The following CDH13 variants were observed in gnomAD, a reference collection of about 807,000 sequenced individuals.
The protein encoded by CDH13 is cadherin-13.
Under a neutral mutation model 63.8 loss-of-function variants are expected in CDH13, and 24 were observed. That is an observed-to-expected ratio of 0.38 (90% confidence interval 0.27 to 0.53). CDH13 has a LOEUF of 0.53. CDH13 is among the 20% of genes least tolerant of loss of function. The pLI is 0.85. For synonymous variants in CDH13, 503 were observed against 355.3 expected (o/e 1.42, Z -4.67); for missense variants, 1,049 against 903.1 (o/e 1.16, Z -2.07).
chr16:82,806,257 C>T (rs1419499928), intron 1 of CDH13, among the ~76,000 whole-genome samples: 5 of 152,142 alleles, frequency 3.3e-5, no homozygotes, highest in African/African-American at 1.2e-4. Context: ...ATCAACATGT[C>T]CCTTTTTACA....
At chr16:82,713,639 T>G (rs1291288447) in intron 1 of CDH13, among the ~76,000 whole-genome samples, 2 of 152,046 alleles carry the variant, frequency 1.3e-5, no homozygotes, top group African/African-American at 2.4e-5. Flanking sequence ...TATTGTCTTA[T>G]TTGCTCTAAG....
At chr16:83,176,823 G>A (rs117792655) in intron 4 of CDH13, among the ~76,000 whole-genome samples, 1 of 152,128 alleles carries the variant, frequency 6.6e-6, no homozygotes, top group Non-Finnish European at 1.5e-5. Context: ...CTGAGTGCCG[G>A]ATTGTAGCTC....
At chr16:83,025,995 C>G (rs191800294) in intron 2 of CDH13, among the ~76,000 whole-genome samples, 1 of 152,284 alleles carries the variant, frequency 6.6e-6, no homozygotes, top group African/African-American at 2.4e-5. Context: ...TTCAGCATTT[C>G]TTAGATGGCC....
At chr16:82,891,122 C>T (rs548039266) in intron 2 of CDH13, among the ~76,000 whole-genome samples, 1 of 151,730 alleles carries the variant, frequency 6.6e-6, no homozygotes, top group Non-Finnish European at 1.5e-5. Flanking sequence ...TGTCATACTG[C>T]CCCAGCCTCT....
chr16:83,273,080 C>A (rs1037745518), intron 5 of CDH13, among the ~76,000 whole-genome samples: 5 of 152,104 alleles, frequency 3.3e-5, no homozygotes, highest in Non-Finnish European at 7.4e-5. Context: ...GGGGGAAGCA[C>A]CACAAAGCTG....
chr16:83,358,835 A>G (rs1052040007), intron 6 of CDH13, among the ~76,000 whole-genome samples: 1 of 152,120 alleles, frequency 6.6e-6, no homozygotes, highest in African/African-American at 2.4e-5. Context: ...GACATTAGAC[A>G]TTTTTATTAG....
At chr16:83,165,888 T>C (rs2037642811) in intron 4 of CDH13, among the ~76,000 whole-genome samples, 1 of 152,114 alleles carries the variant, frequency 6.6e-6, no homozygotes, top group African/African-American at 2.4e-5. Context: ...ACAATCGCTC[T>C]GTAGGACCCA....
intron 3 of CDH13, among the ~76,000 whole-genome samples, chr16:83,083,148 C>A (rs1304359987): frequency 2.0e-5 from 3 of 152,206 alleles, no homozygotes; most frequent in Non-Finnish European, 2.9e-5. Flanking sequence ...TTCAGACTCT[C>A]CCATAACAAA....
At chr16:83,648,392 C>A (rs753003936) in intron 8 of CDH13, among the ~76,000 whole-genome samples, 2 of 152,120 alleles carry the variant, frequency 1.3e-5, no homozygotes, top group Non-Finnish European at 2.9e-5. Flanking sequence ...GAAACTGTAG[C>A]AAGAAGGTAA....
At chr16:83,232,227 T>TTTTTTTA (rs3049884) in intron 5 of CDH13, among the ~76,000 whole-genome samples, 3 of 67,626 alleles carry the variant, frequency 4.4e-5, no homozygotes, top group East Asian at 5.7e-4. Flanking sequence ...TTTTTTTTTT[T>TTTTTTTA]AAAAAAAAAA....
intron 2 of CDH13, among the ~76,000 whole-genome samples, chr16:83,009,653 T>TA (rs1184676119): frequency 1.1e-4 from 16 of 152,342 alleles, no homozygotes; most frequent in African/African-American, 3.8e-4. Flanking sequence ...CTGTTCTTTT[T>TA]AAAAAATTGT....
At chr16:83,775,608 C>G (rs1915054762) in intron 11 of CDH13, among the ~76,000 whole-genome samples, 1 of 152,046 alleles carries the variant, frequency 6.6e-6, no homozygotes, top group Non-Finnish European at 1.5e-5. Context: ...CTCAAATTGA[C>G]CTGTTTTCCC....
chr16:83,443,738 ATATATAT>A (rs1567676261), intron 6 of CDH13, among the ~76,000 whole-genome samples: 17 of 14,298 alleles, frequency 1.2e-3, no homozygotes, highest in African/African-American at 2.2e-3. Flanking sequence ...AAAAAAAAAT[ATATATAT>A]ATATATATAT....
chr16:83,689,697 A>G (rs1904652970), intron 10 of CDH13, among the ~76,000 whole-genome samples: 1 of 152,192 alleles, frequency 6.6e-6, no homozygotes, highest in Non-Finnish European at 1.5e-5. Context: ...TCTCACTAGA[A>G]GATCCGACCT....
chr16:83,637,028 T>C (rs931836313), intron 8 of CDH13, among the ~76,000 whole-genome samples: 1 of 152,214 alleles, frequency 6.6e-6, no homozygotes, highest in African/African-American at 2.4e-5. Flanking sequence ...GAGCATTTTT[T>C]CATTTGTGAA....
chr16:82,708,339 A>G (rs920567102), intron 1 of CDH13, among the ~76,000 whole-genome samples: 2 of 152,154 alleles, frequency 1.3e-5, no homozygotes, highest in Non-Finnish European at 2.9e-5. Flanking sequence ...GAGTTACTAT[A>G]AAAGTGCAAA....
intron 6 of CDH13, among the ~76,000 whole-genome samples, chr16:83,472,238 C>G (rs556510690): frequency 6.6e-5 from 10 of 152,306 alleles, no homozygotes; most frequent in Admixed American, 2.6e-4. Context: ...GGGACTGAAA[C>G]TGGGGACTCT....
intron 8 of CDH13, among the ~76,000 whole-genome samples, chr16:83,628,652 G>C: frequency 6.6e-6 from 1 of 152,314 alleles, no homozygotes; most frequent in East Asian, 1.9e-4. Flanking sequence ...AGGCTGGAGT[G>C]TGTCCTCTCT....
intron 1 of CDH13, among the ~76,000 whole-genome samples, chr16:82,802,257 C>A (rs1316819905): frequency 6.6e-6 from 1 of 152,054 alleles, no homozygotes; most frequent in Non-Finnish European, 1.5e-5. Flanking sequence ...ACGTGGAGAT[C>A]GTGAGAATAG....
Sources: allele counts gnomAD v4.1 joint callset (sites outside exome capture counted in the v4.1 genomes callset), GRCh38; gene constraint gnomAD v4.1.1; transcripts MANE v1.5; gene names NCBI Gene and HGNC (gene_info 2026-07-23, HGNC 2026-07-21).